The following UBE2R2 variants were observed in gnomAD, a reference collection of about 807,000 sequenced individuals.
The protein encoded by UBE2R2 is ubiquitin conjugating enzyme E2 R2.
A neutral mutation model predicts 27.8 loss-of-function variants in UBE2R2; 1 was observed. The ratio of observed to expected loss-of-function variants is 0.04; its 90% CI spans 0.01 to 0.17. The LOEUF (loss-of-function observed/expected upper bound fraction) is 0.17, where lower values mean the gene tolerates loss of function less well. Ranked by LOEUF, UBE2R2 falls within the 10% of genes least tolerant of loss-of-function variation. The probability of loss-of-function intolerance (pLI) is 1.00; values close to 1 mark genes in which losing one functional copy is unlikely to be tolerated. For missense variants in UBE2R2, 100 were observed against 291.0 expected, an observed-to-expected ratio of 0.34 and a Z score of 4.78; for synonymous variants, 106 against 113.3, an observed-to-expected ratio of 0.94 and a Z score of 0.41.
intron 2 of UBE2R2, among the ~76,000 whole-genome samples, chr9:33,893,833 T>C (rs1354011890): frequency 6.6e-6 from 1 of 152,214 alleles, no homozygotes; most frequent in Non-Finnish European, 1.5e-5. Flanking sequence ...GATTTTGCCA[T>C]GTTGGCCAGG....
chr9:33,872,900 C>T (rs1821517938), intron 1 of UBE2R2, among the ~76,000 whole-genome samples: 3 of 150,554 alleles, frequency 2.0e-5, no homozygotes, highest in Admixed American at 2.0e-4. Flanking sequence ...TCAGGCCGGG[C>T]TCTGTGGCTC....
intron 1 of UBE2R2, among the ~76,000 whole-genome samples, chr9:33,834,821 A>C (rs1008163189): frequency 6.6e-5 from 10 of 151,738 alleles, no homozygotes; most frequent in Non-Finnish European, 1.0e-4. Flanking sequence ...GAGGCAGGAG[A>C]ATCCCTTGTT....
intron 1 of UBE2R2, among the ~76,000 whole-genome samples, chr9:33,841,109 G>C (rs1015470362): frequency 6.6e-5 from 10 of 151,268 alleles, no homozygotes; most frequent in Admixed American, 6.6e-4. Flanking sequence ...TTGAGACGAA[G>C]TCTTGCTTTA....
intron 2 of UBE2R2, among the ~76,000 whole-genome samples, chr9:33,891,385 C>A (rs1163515362): frequency 6.6e-6 from 1 of 151,752 alleles, no homozygotes; most frequent in Non-Finnish European, 1.5e-5. Context: ...GTGGCTTACG[C>A]CTGTAATCCT....
intron 1 of UBE2R2, among the ~76,000 whole-genome samples, chr9:33,827,304 G>A (rs1820335716): frequency 6.6e-6 from 1 of 152,008 alleles, no homozygotes; most frequent in Admixed American, 6.6e-5. Flanking sequence ...ACTCTAGCTG[G>A]GTAACAGAGC....
At chr9:33,898,510 A>G (rs1319659496) in intron 2 of UBE2R2, among the ~76,000 whole-genome samples, 1 of 152,124 alleles carries the variant, frequency 6.6e-6, no homozygotes, top group Non-Finnish European at 1.5e-5. Context: ...GGTTACATAT[A>G]TATTCATATA....
rs1465545493 is a variant in UBE2R2, at chr9:33,907,697, G to T, written c.363-4267G>T. On this transcript the variant is annotated intron_variant, in intron 3 of 4. Coordinates refer to ENST00000263228, the MANE Select transcript of UBE2R2 (RefSeq NM_017811.4). ...GAGTCTGGGGATGATGGGCCCTCAG[G>T]GTCTATTTTGCTAGTCCAACCTCTT... Among the ~76,000 whole-genome samples, 84 of 151,660 alleles carry T rather than the reference G, an allele frequency of 5.5e-4. 1 individual carries two copies. The highest frequency in any genetic ancestry group is 4.4e-5 in the Non-Finnish European group (3 of 67,944).
intron 2 of UBE2R2, among the ~76,000 whole-genome samples, chr9:33,897,444 A>G (rs1485007949): frequency 6.6e-6 from 1 of 150,880 alleles, no homozygotes; most frequent in Non-Finnish European, 1.5e-5. Context: ...CAGCCTCCCG[A>G]GTAGCTGGGA....
chr9:33,864,624 A>G (rs72725388), intron 1 of UBE2R2, among the ~76,000 whole-genome samples: 11,974 of 151,908 alleles, frequency 0.079, 679 homozygotes, highest in Non-Finnish European at 0.12. Context: ...GTCATAGTCC[A>G]CTGCTGCCAC....
intron 2 of UBE2R2, among the ~76,000 whole-genome samples, chr9:33,896,952 T>TG (rs1271554758): frequency 3.4e-5 from 4 of 116,666 alleles, no homozygotes; most frequent in Admixed American, 3.2e-4. Context: ...GTGTTTTTTG[T>TG]GTTTTTTTTT....
chr9:33,831,969 A>G (rs1366118556), intron 1 of UBE2R2, among the ~76,000 whole-genome samples: 1 of 150,082 alleles, frequency 6.7e-6, no homozygotes, highest in African/African-American at 2.5e-5. Context: ...CCTGTGACCC[A>G]GGTATTCTTA....
intron 1 of UBE2R2, among the ~76,000 whole-genome samples, chr9:33,865,665 T>C (rs1821344691): frequency 6.6e-6 from 1 of 152,186 alleles, no homozygotes; most frequent in African/African-American, 2.4e-5. Context: ...TAATTTAGAC[T>C]AATTTTCAGT....
chr9:33,841,873 G>T (rs539095028), intron 1 of UBE2R2, among the ~76,000 whole-genome samples: 19 of 152,052 alleles, frequency 1.2e-4, no homozygotes, highest in Non-Finnish European at 2.6e-4. Context: ...TGTGATTGCT[G>T]AGAATAGTTG....
rs1215168999 is a variant in UBE2R2 at position 33,817,367 on chromosome 9, C to T, written c.-391C>T. Among the ~76,000 whole-genome samples, 1 of 150,374 alleles carries T rather than the reference C, an allele frequency of 6.7e-6. No individual in the cohort carries two copies. Among genetic ancestry groups the T allele is most frequent in the Non-Finnish European group, 1.5e-5 (1 of 67,246 alleles). ...GGCGAGCGAGCGCGGCGTTCCCGGG[C>T]CGGCCCGGCCCCCTCCCTTCACCAT... On this transcript the variant is annotated 5_prime_UTR_variant, in exon 1 of 5. Transcript: ENST00000263228.
chr9:33,820,010 C>T (rs1413617597), intron 1 of UBE2R2, among the ~76,000 whole-genome samples: 1 of 152,060 alleles, frequency 6.6e-6, no homozygotes, highest in Admixed American at 6.6e-5. Context: ...GTTTGATTTC[C>T]AAAAAGTGTC....
intron 1 of UBE2R2, among the ~76,000 whole-genome samples, chr9:33,827,130 CTTA>C (rs925700356): frequency 1.3e-5 from 2 of 151,902 alleles, no homozygotes; most frequent in African/African-American, 2.4e-5. Context: ...TGGTTATTGT[CTTA>C]TTATTATTAT....
chr9:33,879,509 A>G (rs1325727537), intron 1 of UBE2R2, among the ~76,000 whole-genome samples: 1 of 152,164 alleles, frequency 6.6e-6, no homozygotes. Context: ...GCTGGAGTGC[A>G]GTGGCGTGAT....
intron 1 of UBE2R2, among the ~76,000 whole-genome samples, chr9:33,875,990 T>C (rs185297356): frequency 2.0e-5 from 3 of 152,252 alleles, no homozygotes; most frequent in Admixed American, 2.0e-4. Flanking sequence ...TTGGCTGAAG[T>C]AGGAGTATTA....
At chr9:33,864,721 AT>A (rs532796406) in intron 1 of UBE2R2, among the ~76,000 whole-genome samples, 11,158 of 132,122 alleles carry the variant, frequency 0.084, 476 homozygotes, top group Non-Finnish European at 0.12. Flanking sequence ...CTAACTTTTA[AT>A]TTTTTTTTTT....
Sources: allele counts gnomAD v4.1 joint callset (sites outside exome capture counted in the v4.1 genomes callset), GRCh38; gene constraint gnomAD v4.1.1; transcripts MANE v1.5; gene names NCBI Gene and HGNC (gene_info 2026-07-23, HGNC 2026-07-21).